SAMD5: variants seen among roughly 807,000 people sequenced by gnomAD.
The protein encoded by SAMD5 is sterile alpha motif domain-containing protein 5.
In SAMD5, 13 loss-of-function variants were observed where a neutral mutation model predicts 11.3. The ratio of observed to expected loss-of-function variants is 1.15; its 90% CI spans 0.75 to 1.83. SAMD5 has a LOEUF of 1.83. Among genes scored for constraint, SAMD5 ranks in the 40% most tolerant of loss-of-function variants. SAMD5 has a pLI of 0.00. For missense variants in SAMD5, 255 were observed against 239.1 expected (o/e 1.07, Z -0.44); for synonymous variants, 129 against 111.3 (o/e 1.16, Z -1.00).
the SAMD5 span, among the ~76,000 whole-genome samples, chr6:147,817,936 G>T: frequency 6.6e-6 from 1 of 152,226 alleles, no homozygotes; most frequent in Non-Finnish European, 1.5e-5. Context: ...GACTATGCCA[G>T]AAAGGTTGGT....
In SAMD5 at chr6:147,568,088, T is replaced by C. The variant is rs1470345780; in HGVS notation, c.*3632T>C. ...GAGGTACAAATGAGTGAGTGACATA[T>C]GTATATTTTCCTCTGATTTTATGAC... On this transcript the variant is annotated 3_prime_UTR_variant, in exon 2 of 2. Coordinates refer to ENST00000367474, the MANE Select transcript of SAMD5 (RefSeq NM_001030060.3). 3.0e-6 allele frequency: 3 copies of C among 985,254 alleles called. No individual in the cohort carries two copies. Among genetic ancestry groups the C allele is most frequent in the South Asian group, 4.7e-5 (1 of 21,292 alleles). 61.0% of individuals were successfully genotyped at this position (985,254 alleles called of 1,614,324 possible).
the SAMD5 span, among the ~76,000 whole-genome samples, chr6:147,863,004 A>G: frequency 2.6e-5 from 4 of 152,186 alleles, no homozygotes; most frequent in African/African-American, 9.7e-5. Flanking sequence ...CTGGGGAATC[A>G]CAGCAAGGGG....
At chr6:147,624,180 T>C (rs2128450564) in intron 1 of SAMD5, among the ~76,000 whole-genome samples, 1 of 152,304 alleles carries the variant, frequency 6.6e-6, no homozygotes, top group Non-Finnish European at 1.5e-5. Flanking sequence ...AATTTTTAAA[T>C]TCTGAAATCA....
chr6:147,676,149 G>A (rs1790859525), intron 1 of SAMD5: 1 of 152,114 alleles, frequency 6.6e-6, no homozygotes, highest in Non-Finnish European at 1.5e-5. Flanking sequence ...AATAAGCAGA[G>A]CATGCTGTAG....
chr6:147,852,192 GTATT>G, the SAMD5 span, among the ~76,000 whole-genome samples: 3 of 151,868 alleles, frequency 2.0e-5, no homozygotes, highest in East Asian at 3.9e-4. Context: ...TGATATACAA[GTATT>G]TATTTATCTG....
intron 1 of SAMD5, among the ~76,000 whole-genome samples, chr6:147,706,975 C>A (rs1222956281): frequency 6.6e-6 from 1 of 152,096 alleles, no homozygotes; most frequent in African/African-American, 2.4e-5. Flanking sequence ...TAATTTTGTC[C>A]AAATTAACTT....
the SAMD5 span, among the ~76,000 whole-genome samples, chr6:147,890,515 C>T: frequency 6.6e-6 from 1 of 151,890 alleles, no homozygotes; most frequent in Admixed American, 6.6e-5. Flanking sequence ...CACACCACCA[C>T]GCCCCGCTAA....
At chr6:147,530,717 C>T (rs921911513) in intron 1 of SAMD5, among the ~76,000 whole-genome samples, 5 of 152,178 alleles carry the variant, frequency 3.3e-5, no homozygotes, top group Non-Finnish European at 4.4e-5. Context: ...AAGAAGAGAG[C>T]AAAGGTGCAA....
intron 1 of SAMD5, among the ~76,000 whole-genome samples, chr6:147,538,512 T>G (rs2092447): frequency 0.5 from 75,435 of 152,070 alleles, 19,361 homozygotes; most frequent in East Asian, 0.64. Context: ...CTTTTATTTT[T>G]AGTGAAAAAC....
chr6:147,736,352 T>C (rs959053378), intron 1 of SAMD5, among the ~76,000 whole-genome samples: 9 of 152,244 alleles, frequency 5.9e-5, no homozygotes, highest in African/African-American at 2.2e-4. Context: ...CCATTTTACA[T>C]CCTTTAATTC....
At chr6:147,823,069 G>A in the SAMD5 span, among the ~76,000 whole-genome samples, 35 of 152,144 alleles carry the variant, frequency 2.3e-4, no homozygotes, top group South Asian at 2.9e-3. Flanking sequence ...CACCTGCCTC[G>A]GCCTCCCAAA....
At chr6:147,550,795 T>C (rs1165412319) in intron 1 of SAMD5, among the ~76,000 whole-genome samples, 2 of 152,132 alleles carry the variant, frequency 1.3e-5, no homozygotes, top group Admixed American at 1.3e-4. Context: ...AATTACTTAA[T>C]GGGAACAATG....
At chr6:147,562,313 A>G (rs1472256669) in intron 1 of SAMD5, among the ~76,000 whole-genome samples, 4 of 152,254 alleles carry the variant, frequency 2.6e-5, no homozygotes, top group South Asian at 2.1e-4. Flanking sequence ...ATCTTGCATT[A>G]TAATGAGAAT....
chr6:147,669,775 C>G (rs143261943), intron 1 of SAMD5, among the ~76,000 whole-genome samples: 665 of 152,308 alleles, frequency 4.4e-3, no homozygotes, highest in Non-Finnish European at 7.4e-3. Context: ...TCCACCACAT[C>G]TGCAATTACT....
the SAMD5 span, among the ~76,000 whole-genome samples, chr6:147,768,937 G>A: frequency 3.3e-5 from 5 of 152,154 alleles, no homozygotes; most frequent in African/African-American, 4.8e-5. Context: ...GGGACTACAG[G>A]TGCGTGCCAC....
At chr6:147,518,637 C>T (rs28430968) in intron 1 of SAMD5, among the ~76,000 whole-genome samples, 5 of 152,022 alleles carry the variant, frequency 3.3e-5, no homozygotes, top group Admixed American at 6.6e-5. Context: ...GAACACTGTC[C>T]GGGGTGGAAT....
At chr6:147,516,565 A>G (rs940242165) in intron 1 of SAMD5, among the ~76,000 whole-genome samples, 2 of 152,250 alleles carry the variant, frequency 1.3e-5, no homozygotes, top group African/African-American at 4.8e-5. Context: ...AAAGTGCCAC[A>G]AACTAGGTGT....
At chr6:147,813,113 A>G in the SAMD5 span, among the ~76,000 whole-genome samples, 3 of 152,276 alleles carry the variant, frequency 2.0e-5, no homozygotes, top group Non-Finnish European at 1.5e-5. Context: ...AAAATTGTCA[A>G]TTTCTCTGCT....
chr6:147,684,374 C>CTT (rs151027437), intron 1 of SAMD5, among the ~76,000 whole-genome samples: 17,480 of 151,930 alleles, frequency 0.12, 1,098 homozygotes, highest in African/African-American at 0.16. Context: ...ATTTGTGTCT[C>CTT]TTAGATTATT....
Sources: allele counts gnomAD v4.1 joint callset (sites outside exome capture counted in the v4.1 genomes callset), GRCh38; gene constraint gnomAD v4.1.1; transcripts MANE v1.5; gene names NCBI Gene and HGNC (gene_info 2026-07-23, HGNC 2026-07-21).